MAGI2: variants seen among roughly 807,000 people sequenced by gnomAD.
The protein encoded by MAGI2 is membrane associated guanylate kinase, WW and PDZ domain containing 2.
A neutral mutation model predicts 133.3 loss-of-function variants in MAGI2; 35 were observed. The ratio of observed to expected loss-of-function variants is 0.26; its 90% CI spans 0.20 to 0.35. The LOEUF (loss-of-function observed/expected upper bound fraction) is 0.35. Among genes scored for constraint, MAGI2 ranks in the 10% least tolerant of loss-of-function variants. The pLI is 1.00. For missense variants in MAGI2, 1,636 were observed against 1,863.4 expected, an observed-to-expected ratio of 0.88 and a Z score of 2.25; for synonymous variants, 729 against 710.6, an observed-to-expected ratio of 1.03 and a Z score of -0.41.
chr7:78,417,341 T>TGTTC (rs1272972726), intron 6 of MAGI2, among the ~76,000 whole-genome samples: 1 of 151,866 alleles, frequency 6.6e-6, no homozygotes, highest in African/African-American at 2.4e-5. Context: ...TGCTCTGAGC[T>TGTTC]GTTCACTCAT....
chr7:78,279,148 C>A (rs76069959), intron 9 of MAGI2, among the ~76,000 whole-genome samples: 2 of 151,988 alleles, frequency 1.3e-5, no homozygotes, highest in African/African-American at 4.8e-5. Flanking sequence ...GCACAAACAC[C>A]GAATGGGATC....
intron 21 of MAGI2, chr7:78,078,228 C>G (rs1312216840): frequency 6.6e-6 from 1 of 152,348 alleles, no homozygotes. Context: ...CTTTAAAGGC[C>G]ACCTCAAGTT....
chr7:79,243,138 A>C (rs1215953719), intron 1 of MAGI2, among the ~76,000 whole-genome samples: 1 of 152,144 alleles, frequency 6.6e-6, no homozygotes, highest in Non-Finnish European at 1.5e-5. Context: ...AAAACAACAA[A>C]AAAAGAAAAG....
chr7:78,491,832 C>G (rs1392661188), intron 5 of MAGI2, among the ~76,000 whole-genome samples: 1 of 150,612 alleles, frequency 6.6e-6, no homozygotes, highest in Non-Finnish European at 1.5e-5. Context: ...AAAAAGAAAT[C>G]ACTTAAAAAT....
chr7:78,794,905 T>A (rs921021612), intron 2 of MAGI2, among the ~76,000 whole-genome samples: 1 of 151,952 alleles, frequency 6.6e-6, no homozygotes, highest in South Asian at 2.1e-4. Context: ...GAAAAAAAAA[T>A]TGATTTTACA....
At chr7:78,373,452 G>T (rs1292975606) in intron 6 of MAGI2, among the ~76,000 whole-genome samples, 1 of 152,154 alleles carries the variant, frequency 6.6e-6, no homozygotes, top group Non-Finnish European at 1.5e-5. Context: ...CAGCTAAGTG[G>T]GAGTTATGGG....
intron 1 of MAGI2, among the ~76,000 whole-genome samples, chr7:79,143,154 C>A (rs756042449): frequency 2.6e-5 from 4 of 152,150 alleles, no homozygotes; most frequent in Non-Finnish European, 5.9e-5. Flanking sequence ...AATCAGTATA[C>A]ATAGTTTTCA....
intron 1 of MAGI2, among the ~76,000 whole-genome samples, chr7:79,136,044 A>AGAAAGAAAGAAAGAAG (rs1562929042): frequency 2.1e-4 from 29 of 136,966 alleles, no homozygotes; most frequent in African/African-American, 8.6e-4. Context: ...AAAGAAAGAA[A>AGAAAGAAAGAAAGAAG]GAAGGAAAGA....
intron 2 of MAGI2, among the ~76,000 whole-genome samples, chr7:78,985,367 T>C (rs527959304): frequency 1.3e-5 from 2 of 152,222 alleles, no homozygotes; most frequent in East Asian, 1.9e-4. Context: ...GAATCAATTA[T>C]ACAGTTCAAT....
At chr7:78,977,275 A>T (rs1319809768) in intron 2 of MAGI2, among the ~76,000 whole-genome samples, 1 of 151,552 alleles carries the variant, frequency 6.6e-6, no homozygotes, top group Non-Finnish European at 1.5e-5. Flanking sequence ...GAATAGAAAA[A>T]CCCACATAAA....
intron 9 of MAGI2, among the ~76,000 whole-genome samples, chr7:78,306,619 G>A (rs921124156): frequency 2.0e-5 from 3 of 152,038 alleles, no homozygotes; most frequent in African/African-American, 7.2e-5. Context: ...ATAAAATTAT[G>A]GTTTTATGCA....
chr7:78,633,705 CAAA>C (rs36102006), intron 2 of MAGI2, among the ~76,000 whole-genome samples: 1 of 80,908 alleles, frequency 1.2e-5, no homozygotes. Context: ...GACTCCGTCT[CAAA>C]AAAAAAAAAA....
In MAGI2 at chr7:78,994,931, C is replaced by A. The variant is rs577684588; in HGVS notation, c.418+12159G>T. Among the ~76,000 whole-genome samples the A allele has an allele frequency of 1.2e-4, 18 of 151,986 alleles. No individual in the cohort carries two copies. In the South Asian group the frequency reaches 3.7e-3, roughly 32 times the overall value. On this transcript the variant is annotated intron_variant, in intron 2 of 21. Coordinates refer to ENST00000354212, the MANE Select transcript of MAGI2 (RefSeq NM_012301.4). ...AAGAACTGGGGACTCTTATGAACAC[C>A]TATTTATAAAATTTTATATCGTTAG...
intron 6 of MAGI2, among the ~76,000 whole-genome samples, chr7:78,377,830 C>CAA (rs3061266): frequency 0.6 from 87,613 of 145,146 alleles, 26,791 homozygotes; most frequent in Middle Eastern, 0.65. Flanking sequence ...TCAAACTAAA[C>CAA]AAAAAAAAAG....
chr7:78,645,837 C>A (rs977434409), intron 2 of MAGI2, among the ~76,000 whole-genome samples: 45 of 151,850 alleles, frequency 3.0e-4, no homozygotes, highest in African/African-American at 1.0e-3. Flanking sequence ...CTACCAGGCT[C>A]AAGCAATTCT....
At chr7:79,369,749 C>T (rs2129132249) in intron 1 of MAGI2, among the ~76,000 whole-genome samples, 1 of 152,124 alleles carries the variant, frequency 6.6e-6, no homozygotes, top group South Asian at 2.1e-4. Flanking sequence ...GTGTTTATTG[C>T]TTTTCAGGTG....
At chr7:78,560,685 G>A (rs1800313534) in intron 3 of MAGI2, among the ~76,000 whole-genome samples, 1 of 152,158 alleles carries the variant, frequency 6.6e-6, no homozygotes, top group Non-Finnish European at 1.5e-5. Context: ...GGCTTCAGCG[G>A]TAGGCAGAGC....
chr7:78,882,077 C>CAAAAAAAAA (rs1466565996), intron 2 of MAGI2, among the ~76,000 whole-genome samples: 2 of 16,188 alleles, frequency 1.2e-4, no homozygotes, highest in Non-Finnish European at 2.2e-4. Flanking sequence ...TTAACAACAA[C>CAAAAAAAAA]AACAACAACA....
chr7:78,076,381 C>T (rs1262246946), intron 21 of MAGI2, among the ~76,000 whole-genome samples: 1 of 149,732 alleles, frequency 6.7e-6, no homozygotes, highest in Non-Finnish European at 1.5e-5. Context: ...ATCGCTTGAG[C>T]CTGGTTAGCA....
Sources: gnomAD v4.1 joint callset for allele counts (sites outside exome capture counted in the v4.1 genomes callset) on GRCh38, gnomAD v4.1.1 for gene constraint, MANE v1.5 for transcripts, NCBI Gene and HGNC (gene_info 2026-07-23, HGNC 2026-07-21) for gene names.